Variants in MGMT observed in about 807,000 individuals in gnomAD.
MGMT encodes the protein methylated-DNA--protein-cysteine methyltransferase.
In MGMT, 14 loss-of-function variants were observed where a neutral mutation model predicts 15.9. That is an observed-to-expected ratio of 0.88 (90% CI 0.58 to 1.37). MGMT has a LOEUF of 1.37. Ranked by LOEUF, MGMT falls within the 40% of genes most tolerant of loss-of-function variation. MGMT has a pLI of 0.00. For missense variants in MGMT, 282 were observed against 268.1 expected (o/e 1.05, Z -0.36); for synonymous variants, 130 against 118.2 (o/e 1.10, Z -0.65).
At chr10:129,746,277 C>G (rs1848695321) in intron 3 of MGMT, among the ~76,000 whole-genome samples, 1 of 150,496 alleles carries the variant, frequency 6.6e-6, no homozygotes, top group South Asian at 2.1e-4. Context: ...AAACACCTGA[C>G]TTTCATAGAC....
chr10:129,746,262 A>G (rs990641278), intron 3 of MGMT, among the ~76,000 whole-genome samples: 2 of 151,010 alleles, frequency 1.3e-5, no homozygotes, highest in African/African-American at 4.8e-5. Flanking sequence ...AAAACAAACA[A>G]AAAAAAACAC....
intron 2 of MGMT, among the ~76,000 whole-genome samples, chr10:129,638,836 C>T (rs1178711518): frequency 6.6e-6 from 1 of 152,040 alleles, no homozygotes; most frequent in Non-Finnish European, 1.5e-5. Flanking sequence ...CAAAGGTTAT[C>T]CAAAGTATAA....
chr10:129,477,233 G>A (rs1845305808), intron 1 of MGMT, among the ~76,000 whole-genome samples: 1 of 152,162 alleles, frequency 6.6e-6, no homozygotes, highest in Admixed American at 6.5e-5. Flanking sequence ...AGCTACTTCA[G>A]CCCCCACGAT....
intron 1 of MGMT, among the ~76,000 whole-genome samples, chr10:129,468,149 T>C (rs968133533): frequency 3.9e-5 from 6 of 152,180 alleles, no homozygotes; most frequent in African/African-American, 1.4e-4. Context: ...TAGAAACCTA[T>C]AGAGTATCTG....
chr10:129,564,586 C>G, intron 2 of MGMT, among the ~76,000 whole-genome samples: 1 of 84,618 alleles, frequency 1.2e-5, no homozygotes, highest in African/African-American at 4.3e-5. Flanking sequence ...TCCTCCTCCT[C>G]CCCCTCATTT....
intron 3 of MGMT, among the ~76,000 whole-genome samples, chr10:129,731,444 C>T (rs1017921098): frequency 1.4e-5 from 2 of 142,648 alleles, no homozygotes; most frequent in African/African-American, 5.3e-5. Flanking sequence ...CTTACTGCAA[C>T]ATCTGCCTCC....
intron 2 of MGMT, among the ~76,000 whole-genome samples, chr10:129,674,395 T>C (rs1224987395): frequency 6.6e-6 from 1 of 152,218 alleles, no homozygotes; most frequent in African/African-American, 2.4e-5. Context: ...ACGAATCGGC[T>C]ATCTGCTTCA....
At chr10:129,516,834 A>C (rs2119711463) in intron 1 of MGMT, among the ~76,000 whole-genome samples, 1 of 152,290 alleles carries the variant, frequency 6.6e-6, no homozygotes, top group Non-Finnish European at 1.5e-5. Flanking sequence ...TTTTGTCGTT[A>C]GCTTATGGGT....
intron 2 of MGMT, among the ~76,000 whole-genome samples, chr10:129,669,270 A>G (rs1258444730): frequency 2.0e-5 from 3 of 152,150 alleles, no homozygotes; most frequent in Non-Finnish European, 2.9e-5. Flanking sequence ...GACTCAAACA[A>G]TTCTCCCACC....
chr10:129,658,240 A>G (rs1368707819), intron 2 of MGMT, among the ~76,000 whole-genome samples: 4 of 152,170 alleles, frequency 2.6e-5, no homozygotes, highest in African/African-American at 7.2e-5. Flanking sequence ...GGAGGTCTGC[A>G]AGGGAGGGAG....
chr10:129,480,155 T>C (rs1389863648), intron 1 of MGMT, among the ~76,000 whole-genome samples: 1 of 152,162 alleles, frequency 6.6e-6, no homozygotes, highest in Admixed American at 6.5e-5. Context: ...TGTGATATGT[T>C]TGGGTTGAAG....
chr10:129,626,354 A>G (rs1847149132), intron 2 of MGMT, among the ~76,000 whole-genome samples: 1 of 152,192 alleles, frequency 6.6e-6, no homozygotes, highest in Non-Finnish European at 1.5e-5. Flanking sequence ...GCACTGGCAG[A>G]ACACCACCCG....
At chr10:129,498,704 A>G (rs1348292369) in intron 1 of MGMT, among the ~76,000 whole-genome samples, 2 of 152,088 alleles carry the variant, frequency 1.3e-5, no homozygotes, top group Non-Finnish European at 2.9e-5. Flanking sequence ...TTCTGGGATC[A>G]TAGTATGATC....
chr10:129,591,861 G>A (rs941890437), intron 2 of MGMT, among the ~76,000 whole-genome samples: 4 of 152,292 alleles, frequency 2.6e-5, no homozygotes, highest in Admixed American at 2.0e-4. Flanking sequence ...AACCCGGGAG[G>A]CAGAGATCAC....
intron 1 of MGMT, among the ~76,000 whole-genome samples, chr10:129,512,703 CTG>C (rs1845697452): frequency 6.6e-6 from 1 of 152,238 alleles, no homozygotes; most frequent in Non-Finnish European, 1.5e-5. Context: ...GAATTGTAGT[CTG>C]TGCCGTTCAG....
intron 3 of MGMT, among the ~76,000 whole-genome samples, chr10:129,737,070 G>T (rs1269802286): frequency 1.3e-5 from 2 of 151,854 alleles, no homozygotes; most frequent in Non-Finnish European, 2.9e-5. Context: ...TATCTTTGTG[G>T]CATTCTCTGT....
chr10:129,767,877 G>T lies in MGMT; in HGVS notation c.*880G>T, dbSNP rs1442097138. On this transcript the variant is annotated 3_prime_UTR_variant, in exon 5 of 5. Coordinates refer to ENST00000651593, the MANE Select transcript of MGMT (RefSeq NM_002412.5). ...CTGTGGGGGGCCAGCTCATGTCACT[G>T]ATGGCAGCAGGCAGGGTTTCCAGCA... 6.6e-6 allele frequency: 1 copy of T among 152,324 alleles called. No homozygotes were observed. Among genetic ancestry groups the T allele is most frequent in the Non-Finnish European group, 1.5e-5 (1 of 68,098 alleles). The allele number at this position is 152,324 out of a possible 1,614,324, so 9.4% of individuals were successfully genotyped here. A position where few individuals can be genotyped will look rare whatever the true frequency, so the allele number is the denominator to read the frequency against.
chr10:129,763,608 C>T (rs538223972), intron 4 of MGMT, among the ~76,000 whole-genome samples: 31 of 152,310 alleles, frequency 2.0e-4, no homozygotes, highest in Admixed American at 9.1e-4. Flanking sequence ...CAAAGCTCTG[C>T]TGTGAAATCT....
intron 2 of MGMT, among the ~76,000 whole-genome samples, chr10:129,559,844 G>T (rs1846256903): frequency 6.6e-6 from 1 of 152,142 alleles, no homozygotes; most frequent in African/African-American, 2.4e-5. Flanking sequence ...TCTGCAGACT[G>T]CCCTAATTTG....
Sources: gnomAD v4.1 joint callset for allele counts (sites outside exome capture counted in the v4.1 genomes callset) on GRCh38, gnomAD v4.1.1 for gene constraint, MANE v1.5 for transcripts, NCBI Gene and HGNC (gene_info 2026-07-23, HGNC 2026-07-21) for gene names.